The following PPP2R2D variants were observed in gnomAD, a reference collection of about 807,000 sequenced individuals.
PPP2R2D encodes serine/threonine-protein phosphatase 2A 55 kDa regulatory subunit B delta isoform.
A neutral mutation model predicts 31.1 loss-of-function variants in PPP2R2D; 9 were observed. The ratio of observed to expected loss-of-function variants is 0.29; its 90% confidence interval spans 0.17 to 0.51. The LOEUF (loss-of-function observed/expected upper bound fraction) is 0.51, where lower values mean the gene tolerates loss of function less well. PPP2R2D is among the 20% of genes least tolerant of loss of function. The pLI, the probability that PPP2R2D is intolerant of heterozygous loss-of-function variation, is 0.98. For missense variants in PPP2R2D, 391 were observed against 465.6 expected (o/e 0.84, Z 1.48); for synonymous variants, 179 against 172.6 (o/e 1.04, Z -0.29).
Position 131,956,355 on chromosome 10 carries a change from G to A in PPP2R2D, c.*392G>A. On this transcript the variant is annotated 3_prime_UTR_variant, in exon 9 of 9. Coordinates refer to ENST00000455566, the MANE Select transcript of PPP2R2D (RefSeq NM_018461.5). ...CCCTCTTTCTCTGCCATCACACTTG[G>A]GCCTTCACTGCAGCGTGGTGTGGCC... 1 of 987,678 alleles carries A rather than the reference G, an allele frequency of 1.0e-6. No individual in the cohort carries two copies. Among genetic ancestry groups the A allele is most frequent in the Non-Finnish European group, 1.2e-6 (1 of 831,586 alleles). 61.2% of individuals were successfully genotyped at this position (987,678 alleles called of 1,614,324 possible).
At position 131,956,007 on chromosome 10, in the gene PPP2R2D, C is replaced by A; in HGVS notation, c.*44C>A. On this transcript the variant is annotated 3_prime_UTR_variant, in exon 9 of 9. Transcript: ENST00000455566. ...CAAGTCTTGTCTTGCATAGTTAAGC[C>A]GGACATTTTTCTGTCAGAGAAAAGG... 1 of 1,385,598 alleles carries A rather than the reference C, an allele frequency of 7.2e-7. No homozygotes were observed. The allele number at this position is 1,385,598 out of a possible 1,614,324, so 85.8% of individuals were successfully genotyped here. A position where few individuals can be genotyped will look rare whatever the true frequency, so the allele number is the denominator to read the frequency against.
intron 3 of PPP2R2D, among the ~76,000 whole-genome samples, chr10:131,939,512 A>G (rs113203152): frequency 1.8e-5 from 2 of 111,264 alleles, no homozygotes; most frequent in East Asian, 5.1e-4. Context: ...CTGCTCCAGA[A>G]AACACGGCAG....
chr10:131,937,502 C>T (rs868995645), intron 3 of PPP2R2D, among the ~76,000 whole-genome samples: 1 of 152,076 alleles, frequency 6.6e-6, no homozygotes, highest in Non-Finnish European at 1.5e-5. Flanking sequence ...GAATTCTCTC[C>T]TAGCAGAGCG....
intron 8 of PPP2R2D, among the ~76,000 whole-genome samples, chr10:131,948,340 T>TAG (rs778035621): frequency 9.2e-4 from 71 of 77,142 alleles, no homozygotes; most frequent in Admixed American, 2.8e-3. Context: ...GGTTGAGAGT[T>TAG]ACGTTTTTTT....
In PPP2R2D at chr10:131,955,973, C is replaced by T. The variant is rs781819586; in HGVS notation, c.*10C>T. The stretch of plus-strand genomic sequence containing the variant: ...GGACAAAATCAACTAGAGACGCGAA[C>T]GTGAGGACCAAGTCTTGTCTTGCAT... On this transcript the variant is annotated 3_prime_UTR_variant, in exon 9 of 9. Coordinates refer to ENST00000455566, the MANE Select transcript of PPP2R2D (RefSeq NM_018461.5). The T allele has an allele frequency of 6.6e-5, 98 of 1,486,746 alleles. No homozygotes were observed. Among genetic ancestry groups the T allele is most frequent in the Non-Finnish European group, 8.7e-5 (97 of 1,108,722 alleles). 92.1% of individuals were successfully genotyped at this position (1,486,746 alleles called of 1,614,324 possible). A position where few individuals can be genotyped will look rare whatever the true frequency, so the allele number is the denominator to read the frequency against.
intron 3 of PPP2R2D, among the ~76,000 whole-genome samples, chr10:131,938,762 G>T (rs2036389094): frequency 6.6e-6 from 1 of 152,192 alleles, no homozygotes; most frequent in South Asian, 2.1e-4. Flanking sequence ...CTTCGTGGTG[G>T]TCCCTGCATG....
chr10:131,928,960 C>T (rs561929083), intron 2 of PPP2R2D, among the ~76,000 whole-genome samples: 14 of 152,212 alleles, frequency 9.2e-5, no homozygotes, highest in African/African-American at 3.1e-4. Context: ...AAATGATGTA[C>T]GTATAAAAGA....
chr10:131,915,709 T>G (rs1351968900), intron 2 of PPP2R2D, among the ~76,000 whole-genome samples: 1 of 152,236 alleles, frequency 6.6e-6, no homozygotes, highest in East Asian at 1.9e-4. Flanking sequence ...TCCAGCTCCC[T>G]GCAACTTTGT....
the PPP2R2D span, chr10:131,969,525 G>A: frequency 1.3e-5 from 2 of 152,286 alleles, no homozygotes; most frequent in African/African-American, 4.8e-5. Flanking sequence ...CAAGAGCTAG[G>A]AGAAAGCCAC....
chr10:131,905,376 A>C (rs1413096045), intron 2 of PPP2R2D, among the ~76,000 whole-genome samples: 1 of 152,230 alleles, frequency 6.6e-6, no homozygotes, highest in East Asian at 1.9e-4. Context: ...CATGTTATGG[A>C]ATCACCTTCA....
At position 131,905,430 on chromosome 10, in the gene PPP2R2D, G is replaced by C. The variant is rs896155143; in HGVS notation, c.100+4100G>C. Among the ~76,000 whole-genome samples the C allele has an allele frequency of 1.3e-4, 20 of 152,290 alleles. No individual in the cohort carries two copies. In the East Asian group the frequency reaches 3.9e-3, roughly 29 times the overall value. On this transcript the variant is annotated intron_variant, in intron 2 of 8. Coordinates refer to ENST00000455566, the MANE Select transcript of PPP2R2D (RefSeq NM_018461.5). ...TCCTGGAACGTACTTCATTCAGCAT[G>C]TGATGTGTTTTGCAATGTCACATGG...
chr10:131,917,544 A>G (rs1554893387), intron 2 of PPP2R2D, among the ~76,000 whole-genome samples: 6 of 114,510 alleles, frequency 5.2e-5, no homozygotes, highest in Non-Finnish European at 6.9e-5. Context: ...GGCGGGTGGA[A>G]TGACACAGTG....
intron 3 of PPP2R2D, chr10:131,939,808 C>T (rs1044245874): frequency 1.6e-5 from 5 of 312,798 alleles, no homozygotes; most frequent in Middle Eastern, 9.0e-4. Context: ...CTGCATTCGG[C>T]AGACCTGCTC....
intron 2 of PPP2R2D, among the ~76,000 whole-genome samples, chr10:131,932,667 A>AAAAAAAAAAAAC (rs1564817986): frequency 2.3e-5 from 3 of 133,156 alleles, no homozygotes; most frequent in African/African-American, 1.0e-4. Flanking sequence ...AAAAAAAAAA[A>AAAAAAAAAAAAC]ACACACAAAA....
chr10:131,904,080 T>A (rs1397813677), intron 2 of PPP2R2D, among the ~76,000 whole-genome samples: 1 of 151,928 alleles, frequency 6.6e-6, no homozygotes, highest in Non-Finnish European at 1.5e-5. Flanking sequence ...AGGGCCGGCC[T>A]GTAATTCCAG....
chr10:131,955,688 A>G lies in PPP2R2D; in HGVS notation c.1087A>G (p.Ile363Val). 2.1e-6 allele frequency: 3 copies of G among 1,454,100 alleles called. No individual in the cohort carries two copies. Among genetic ancestry groups the G allele is most frequent in the South Asian group, 3.2e-5 (2 of 62,292 alleles). 90.1% of individuals were successfully genotyped at this position (1,454,100 alleles called of 1,614,324 possible). A position where few individuals can be genotyped will look rare whatever the true frequency, so the allele number is the denominator to read the frequency against. Residue 363 changes from isoleucine (I) to valine (V), a missense_variant, in exon 9 of 9, where the codon ATC becomes GTC. By Grantham distance (29) the Ile-to-Val change is conservative (BLOSUM62 3). Coordinates refer to ENST00000455566, the MANE Select transcript of PPP2R2D (RefSeq NM_018461.5). The part of the protein sequence containing the change: ...ECCWNGSDSA[I>V]MTGSYNNFFR... ...GTCTGCTCTTGTTTTGAACAGCGCC[A>G]TCATGACCGGGTCCTATAACAACTT...
chr10:131,942,499 A>G (rs1474388652), intron 5 of PPP2R2D, among the ~76,000 whole-genome samples: 1 of 152,214 alleles, frequency 6.6e-6, no homozygotes, highest in African/African-American at 2.4e-5. Flanking sequence ...TAACTGGGTA[A>G]GAGTCAGACA....
chr10:131,971,022 G>A, the PPP2R2D span: 1 of 1,537,662 alleles, frequency 6.5e-7, no homozygotes, highest in South Asian at 1.1e-5. Context: ...CGTGACACGG[G>A]AAAGCACCCA....
intron 3 of PPP2R2D, among the ~76,000 whole-genome samples, chr10:131,939,132 C>T (rs560936352): frequency 3.4e-5 from 5 of 146,722 alleles, no homozygotes; most frequent in East Asian, 2.0e-4. Flanking sequence ...TTCGGCAGAC[C>T]TGCTCCAGAA....
Sources: allele counts gnomAD v4.1 joint callset (sites outside exome capture counted in the v4.1 genomes callset), GRCh38; gene constraint gnomAD v4.1.1; transcripts MANE v1.5; gene names NCBI Gene and HGNC (gene_info 2026-07-23, HGNC 2026-07-21).